Variants in CUX2 observed in about 807,000 individuals in gnomAD.
CUX2 encodes cut like homeobox 2.
Under a neutral mutation model 144.8 loss-of-function variants are expected in CUX2, and 40 were observed. That is an observed-to-expected ratio of 0.28 (90% CI 0.21 to 0.36). The LOEUF (loss-of-function observed/expected upper bound fraction) is 0.36, where lower values mean the gene tolerates loss of function less well. CUX2 is among the 10% of genes least tolerant of loss of function. The pLI is 1.00. For synonymous variants in CUX2, 827 were observed against 875.6 expected (o/e 0.94, Z 0.98); for missense variants, 1,615 against 1,994.0 (o/e 0.81, Z 3.62).
chr12:111,232,930 C>T (rs1592863897), intron 3 of CUX2, among the ~76,000 whole-genome samples: 1 of 152,178 alleles, frequency 6.6e-6, no homozygotes, highest in African/African-American at 2.4e-5. Context: ...TTCAGACACT[C>T]GCACATCAAG....
At chr12:111,202,841 G>A (rs190774690) in intron 1 of CUX2, among the ~76,000 whole-genome samples, 3 of 152,258 alleles carry the variant, frequency 2.0e-5, no homozygotes, top group Admixed American at 6.5e-5. Context: ...CAGGCTTCTG[G>A]GAGAAGGTGG....
intron 3 of CUX2, among the ~76,000 whole-genome samples, chr12:111,244,556 GT>G: frequency 6.6e-6 from 1 of 152,324 alleles, no homozygotes; most frequent in East Asian, 1.9e-4. Context: ...CATTTAACTT[GT>G]TCTTCCATCC....
At chr12:111,285,078 C>T (rs1436471915) in intron 4 of CUX2, among the ~76,000 whole-genome samples, 1 of 152,184 alleles carries the variant, frequency 6.6e-6, no homozygotes, top group Non-Finnish European at 1.5e-5. Context: ...CCTGAGCATT[C>T]AGTCCTCAGT....
At chr12:111,177,993 T>C (rs1400256031) in intron 1 of CUX2, among the ~76,000 whole-genome samples, 5 of 152,266 alleles carry the variant, frequency 3.3e-5, no homozygotes, top group African/African-American at 9.6e-5. Context: ...TTGTTTGTTC[T>C]TATTGTTGTT....
chr12:111,066,036 A>T (rs1382195613), intron 1 of CUX2, among the ~76,000 whole-genome samples: 18 of 152,240 alleles, frequency 1.2e-4, no homozygotes, highest in Admixed American at 1.2e-3. Flanking sequence ...GCAGAGACAG[A>T]TCAAGGCATG....
At chr12:111,336,459 T>TGTGTGTGTGTGTG (rs199709412) in intron 19 of CUX2, among the ~76,000 whole-genome samples, 4 of 146,528 alleles carry the variant, frequency 2.7e-5, no homozygotes, top group African/African-American at 7.8e-5. Context: ...TGTGTGTGTG[T>TGTGTGTGTGTGTG]TTAAGATGGA....
intron 1 of CUX2, 46 bp from the exon 2 acceptor site, chr12:111,214,152 CTT>C: frequency 1.7e-6 from 2 of 1,196,626 alleles, no homozygotes; most frequent in Non-Finnish European, 2.3e-6. Context: ...GAAGAAAAAT[CTT>C]TTTCTTTTCT....
rs984359731 is a variant in CUX2 at position 111,059,572 on chromosome 12, C to T, written c.63+25332C>T. Among the ~76,000 whole-genome samples the T allele has an allele frequency of 2.0e-5, 3 of 152,134 alleles. No homozygotes were observed. Among genetic ancestry groups the T allele is most frequent in the African/African-American group, 7.2e-5 (3 of 41,418 alleles). On this transcript the variant is annotated intron_variant, in intron 1 of 21. Transcript: ENST00000261726. The surrounding 1 kb of genome is among the most constrained non-coding windows in gnomAD (Gnocchi z 5.3). ...TCTGACTTTCCTAGGTCCCCCCACC[C>T]AGGGTCAGCTTTCTGTATCCTAGAG...
chr12:111,282,978 C>T (rs1278862685), intron 4 of CUX2, among the ~76,000 whole-genome samples: 6 of 151,882 alleles, frequency 4.0e-5, no homozygotes, highest in Non-Finnish European at 2.9e-5. Context: ...TTTGGAAGGC[C>T]GAGACAGGCG....
At chr12:111,325,498 G>T (rs1370638672) in intron 18 of CUX2, among the ~76,000 whole-genome samples, 1 of 152,134 alleles carries the variant, frequency 6.6e-6, no homozygotes, top group Non-Finnish European at 1.5e-5. Context: ...TCCAGTGAGT[G>T]GCAGACCTAG....
chr12:111,254,037 A>G (rs976483277), intron 3 of CUX2, among the ~76,000 whole-genome samples: 5 of 152,000 alleles, frequency 3.3e-5, no homozygotes, highest in African/African-American at 9.7e-5. Context: ...GCCATATTCA[A>G]TTTTTTTAAA....
intron 1 of CUX2, among the ~76,000 whole-genome samples, chr12:111,194,611 T>C (rs1306127123): frequency 6.6e-6 from 1 of 152,202 alleles, no homozygotes; most frequent in Non-Finnish European, 1.5e-5. Context: ...CGCTGGTCTT[T>C]CCTTTGCCAT....
chr12:111,133,349 CA>C (rs758354164), intron 1 of CUX2, among the ~76,000 whole-genome samples: 1 of 152,070 alleles, frequency 6.6e-6, no homozygotes, highest in Admixed American at 6.6e-5. Flanking sequence ...AAACTGGGAA[CA>C]AAAAGAGGTT....
Position 111,312,324 on chromosome 12 carries a change from C to G in CUX2, c.2002+123C>G. 1 of 772,302 alleles carries G rather than the reference C, an allele frequency of 1.3e-6. No individual in the cohort carries two copies. The highest frequency in any genetic ancestry group is 2.8e-5 in the East Asian group (1 of 35,832). The allele number at this position is 772,302 out of a possible 1,614,324, so 47.8% of individuals were successfully genotyped here. On this transcript the variant is annotated intron_variant, in intron 16 of 21. Coordinates refer to ENST00000261726, the MANE Select transcript of CUX2 (RefSeq NM_015267.4). The surrounding 1 kb of genome is among the most constrained non-coding windows in gnomAD (Gnocchi z 4.3). ...CAAGGTGGATCAGAACCACCAGAGG[C>G]CAGAGGGACCTGTCTAGAGCGCATG...
intron 1 of CUX2, among the ~76,000 whole-genome samples, chr12:111,049,165 T>TCATGAATTCATCCATCCATCCATCCATC (rs1870141496): frequency 1.3e-5 from 2 of 151,628 alleles, no homozygotes; most frequent in Non-Finnish European, 2.9e-5. Context: ...ATCCATCCAT[T>TCATGAATTCATCCATCCATCCATCCATC]CATGAATTCA....
chr12:111,141,292 C>T (rs1339186355), intron 1 of CUX2, among the ~76,000 whole-genome samples: 1 of 151,674 alleles, frequency 6.6e-6, no homozygotes, highest in Non-Finnish European at 1.5e-5. Flanking sequence ...TTTTGCTCTT[C>T]AAAGGAGACA....
chr12:111,128,689 C>T (rs1460568980), intron 1 of CUX2, among the ~76,000 whole-genome samples: 3 of 152,162 alleles, frequency 2.0e-5, no homozygotes, highest in Non-Finnish European at 4.4e-5. Context: ...CAGTAGCAAA[C>T]CAAGAGCTGT....
chr12:111,120,054 T>C (rs763631846), intron 1 of CUX2, among the ~76,000 whole-genome samples: 9 of 151,764 alleles, frequency 5.9e-5, no homozygotes, highest in Non-Finnish European at 1.3e-4. Context: ...TGAGACTCCA[T>C]CTCAAAAAAA....
intron 3 of CUX2, among the ~76,000 whole-genome samples, chr12:111,254,389 G>A (rs545730530): frequency 5.9e-5 from 9 of 152,280 alleles, no homozygotes; most frequent in East Asian, 3.9e-4. Flanking sequence ...TGTGCACCCC[G>A]TGCCCATCAT....
Sources: gnomAD v4.1 joint callset for allele counts (sites outside exome capture counted in the v4.1 genomes callset) on GRCh38, gnomAD v4.1.1 for gene constraint, Gnocchi (gnomAD v3.1) non-coding constraint, MANE v1.5 for transcripts, NCBI Gene and HGNC (gene_info 2026-07-23, HGNC 2026-07-21) for gene names.